ECT2: variants seen among roughly 807,000 people sequenced by gnomAD.
ECT2 encodes the protein epithelial cell transforming 2.
ECT2 carries 61 observed loss-of-function variants against 116.9 expected under a neutral mutation model. The ratio of observed to expected loss-of-function variants is 0.52; its 90% CI spans 0.42 to 0.65. The LOEUF is 0.65. Among genes scored for constraint, ECT2 ranks in the 30% least tolerant of loss-of-function variants. ECT2 has a pLI of 0.00. For missense variants in ECT2, 937 were observed against 1,078.7 expected (o/e 0.87, Z 1.84); for synonymous variants, 358 against 346.4 (o/e 1.03, Z -0.37).
intron 24 of ECT2, among the ~76,000 whole-genome samples, chr3:172,817,696 A>G (rs1729995293): frequency 6.6e-6 from 1 of 152,150 alleles, no homozygotes; most frequent in Admixed American, 6.6e-5. Flanking sequence ...TACTACTATT[A>G]CTAAGTATTT....
chr3:172,815,646 A>G lies in ECT2; in HGVS notation c.2443A>G (p.Asn815Asp). The G allele has an allele frequency of 6.2e-7, 1 of 1,602,082 alleles. No individual in the cohort carries two copies. Among genetic ancestry groups the G allele is most frequent in the South Asian group, 1.1e-5 (1 of 87,194 alleles). The change falls in exon 23 of 25, where the codon AAT becomes GAT. Residue 815 changes from asparagine to aspartate, a missense_variant. Asn to Asp is a conservative substitution (Grantham distance 23). Transcript: ENST00000392692. ...YTADPESFEV[N>D]TKDMDSTLSR... is the part of the protein sequence containing the mutation. ...TGCTGATCCAGAATCCTTTGAAGTA[A>G]ATACAAAAGATATGGACAGTACATT...
At chr3:172,760,342 T>A in intron 7 of ECT2, 79 bp downstream of exon 7, 1 of 729,048 alleles carries the variant, frequency 1.4e-6, no homozygotes, top group Non-Finnish European at 2.1e-6. Flanking sequence ...GTCTTTTATC[T>A]ATTTCTTTCA....
At chr3:172,783,279 C>A (rs1371497819) in intron 15 of ECT2, among the ~76,000 whole-genome samples, 1 of 152,064 alleles carries the variant, frequency 6.6e-6, no homozygotes, top group Non-Finnish European at 1.5e-5. Context: ...ACAAAATAAT[C>A]TCTTAGGTGT....
chr3:172,807,557 CATT>C (rs1330768921), intron 21 of ECT2: 1 of 438,744 alleles, frequency 2.3e-6, no homozygotes, highest in Non-Finnish European at 4.1e-6. Flanking sequence ...TTATCATCAT[CATT>C]AGTTCCTTAC....
At chr3:172,756,221 G>A (rs1387432597) in intron 4 of ECT2, among the ~76,000 whole-genome samples, 2 of 152,012 alleles carry the variant, frequency 1.3e-5, no homozygotes, top group Non-Finnish European at 2.9e-5. Context: ...AATTTTGGGG[G>A]TACATAATTT....
intron 18 of ECT2, among the ~76,000 whole-genome samples, chr3:172,802,020 G>A (rs2109017329): frequency 6.6e-6 from 1 of 152,282 alleles, no homozygotes; most frequent in Middle Eastern, 3.4e-3. Context: ...ATTTTAGAAA[G>A]TGCATAGGGA....
chr3:172,780,248 A>AT (rs1722456211), intron 14 of ECT2, among the ~76,000 whole-genome samples: 1 of 152,032 alleles, frequency 6.6e-6, no homozygotes, highest in African/African-American at 2.4e-5. Context: ...TTAGCATGTG[A>AT]TTTTTAGTTC....
chr3:172,756,757 G>A (rs1236117739), intron 4 of ECT2, among the ~76,000 whole-genome samples: 2 of 151,980 alleles, frequency 1.3e-5, no homozygotes, highest in Non-Finnish European at 1.5e-5. Context: ...TAAAATTTAA[G>A]AACTTAATTT....
At chr3:172,770,989 TG>T (rs1720518932) in intron 13 of ECT2, among the ~76,000 whole-genome samples, 5 of 152,202 alleles carry the variant, frequency 3.3e-5, no homozygotes, top group Non-Finnish European at 7.3e-5. Context: ...TGGAATTTTC[TG>T]TGTGTTGTGC....
At chr3:172,794,225 A>C (rs1162923924) in intron 18 of ECT2, among the ~76,000 whole-genome samples, 1 of 152,198 alleles carries the variant, frequency 6.6e-6, no homozygotes, top group African/African-American at 2.4e-5. Flanking sequence ...TTGTGGTATT[A>C]GTCTTTAGGT....
intron 18 of ECT2, among the ~76,000 whole-genome samples, chr3:172,793,023 A>G (rs1051071360): frequency 9.9e-5 from 15 of 152,066 alleles, no homozygotes; most frequent in African/African-American, 2.9e-4. Context: ...CCAGCAAGGT[A>G]TATGCATTTC....
intron 18 of ECT2, among the ~76,000 whole-genome samples, chr3:172,795,896 A>G (rs1243076588): frequency 2.0e-5 from 3 of 152,186 alleles, no homozygotes; most frequent in African/African-American, 4.8e-5. Context: ...ATATACTTAG[A>G]TCTGTTAATA....
intron 22 of ECT2, among the ~76,000 whole-genome samples, chr3:172,813,433 G>A (rs1268142063): frequency 6.6e-6 from 1 of 152,018 alleles, no homozygotes; most frequent in Non-Finnish European, 1.5e-5. Context: ...ATAGGTTGAA[G>A]CAGTATACCC....
intron 19 of ECT2, 31 bp downstream of exon 19, chr3:172,802,725 T>A: frequency 6.5e-7 from 1 of 1,536,000 alleles, no homozygotes; most frequent in Non-Finnish European, 8.8e-7. Flanking sequence ...ATTATTAATT[T>A]ATTTTCTTCT....
In ECT2 at chr3:172,762,335, T is replaced by C. The variant is rs1486172705; in HGVS notation, c.759-81T>C. 4 of 1,396,806 alleles carry C rather than the reference T, an allele frequency of 2.9e-6. No individual in the cohort carries two copies. In the East Asian group the frequency reaches 9.5e-5, roughly 33 times the overall value. 86.5% of individuals were successfully genotyped at this position (1,396,806 alleles called of 1,614,324 possible). A position where few individuals can be genotyped will look rare whatever the true frequency, so the allele number is the denominator to read the frequency against. ...ATAGATTATGCCAAGACCTTGAAAA[T>C]TACTGTAGGTTTGTAAATTGATATA... is the stretch of plus-strand genomic sequence containing the variant. On this transcript the variant is annotated intron_variant, in intron 8 of 24. Coordinates refer to ENST00000392692, the MANE Select transcript of ECT2 (RefSeq NM_001258315.2).
At chr3:172,759,855 C>A (rs552624515) in intron 6 of ECT2, among the ~76,000 whole-genome samples, 9 of 152,156 alleles carry the variant, frequency 5.9e-5, no homozygotes, top group Admixed American at 1.3e-4. Context: ...TTTAAAAAAA[C>A]CAATATATTT....
chr3:172,812,231 G>A (rs1315835298), intron 22 of ECT2, among the ~76,000 whole-genome samples: 1 of 152,092 alleles, frequency 6.6e-6, no homozygotes, highest in South Asian at 2.1e-4. Context: ...CAAGTGATCT[G>A]CCCCCCTGGG....
At chr3:172,785,959 A>C (rs558812761) in intron 17 of ECT2, among the ~76,000 whole-genome samples, 2 of 152,318 alleles carry the variant, frequency 1.3e-5, no homozygotes, top group South Asian at 4.1e-4. Context: ...CACATGAGAG[A>C]TTAGGTGGAC....
At chr3:172,787,644 T>G (rs573113650) in intron 18 of ECT2, among the ~76,000 whole-genome samples, 1 of 152,214 alleles carries the variant, frequency 6.6e-6, no homozygotes, top group African/African-American at 2.4e-5. Context: ...ATTATGATGA[T>G]AATTCTCTGT....
Sources: allele counts gnomAD v4.1 joint callset (sites outside exome capture counted in the v4.1 genomes callset), GRCh38; gene constraint gnomAD v4.1.1; transcripts MANE v1.5; gene names NCBI Gene and HGNC (gene_info 2026-07-23, HGNC 2026-07-21).